USP8: variants seen among roughly 807,000 people sequenced by gnomAD.
USP8 encodes the protein ubiquitin carboxyl-terminal hydrolase 8.
In USP8, 27 loss-of-function variants were observed where a neutral mutation model predicts 130.0. The ratio of observed to expected loss-of-function variants is 0.21; its 90% CI spans 0.15 to 0.29. USP8 has a LOEUF of 0.29. Among genes scored for constraint, USP8 ranks in the 10% least tolerant of loss-of-function variants. USP8 has a pLI of 1.00. For synonymous variants in USP8, 392 were observed against 444.1 expected, an observed-to-expected ratio of 0.88 and a Z score of 1.48; for missense variants, 1,029 against 1,312.2, an observed-to-expected ratio of 0.78 and a Z score of 3.33.
At chr15:50,458,866 A>T in intron 4 of USP8, 134 bp from the exon 5 acceptor site, 1 of 1,021,324 alleles carries the variant, frequency 9.8e-7, no homozygotes, top group Non-Finnish European at 1.4e-6. Context: ...CAGATGTGTG[A>T]ATTGTGGTGG....
chr15:50,436,750 A>G (rs925530712), intron 1 of USP8, among the ~76,000 whole-genome samples: 50 of 152,010 alleles, frequency 3.3e-4, no homozygotes, highest in African/African-American at 1.2e-3. Flanking sequence ...GCTCACTGCA[A>G]CCTCCACCCT....
At chr15:50,430,308 C>G (rs2049890763) in intron 1 of USP8, among the ~76,000 whole-genome samples, 1 of 152,152 alleles carries the variant, frequency 6.6e-6, no homozygotes, top group Admixed American at 6.5e-5. Flanking sequence ...GATTGCGCCA[C>G]TGCTCTCCAG....
Position 50,500,708 on chromosome 15 carries a change from C to A in USP8, c.*1620C>A. 6.8e-7 allele frequency: 1 copy of A among 1,475,918 alleles called. No homozygotes were observed. Among genetic ancestry groups the A allele is most frequent in the South Asian group, 1.2e-5 (1 of 82,496 alleles). 91.4% of individuals were successfully genotyped at this position (1,475,918 alleles called of 1,614,324 possible). ...GGCTGGCAGCTATAGAACAGGAGAT[C>A]CATAGCATTTTGAACAGAAGTATCT... On this transcript the variant is annotated 3_prime_UTR_variant, in exon 20 of 20. Transcript: ENST00000307179.
rs60624314 is a variant in USP8 at position 50,496,209 on chromosome 15, A to G, written c.2895+125A>G. On this transcript the variant is annotated intron_variant, in intron 17 of 19. Coordinates refer to ENST00000307179, the MANE Select transcript of USP8 (RefSeq NM_005154.5). ...TTATCAGTAAAACTCGGCCGGGCGC[A>G]GTGGCTCATACCTTGTACTCCCAGC... is the stretch of plus-strand genomic sequence containing the variant. 4.8e-4 allele frequency: 368 copies of G among 760,584 alleles called. 2 individuals are homozygous for G. The African/African-American group carries it at 5.4e-3, about 11-fold the overall frequency. The allele number at this position is 760,584 out of a possible 1,614,324, so 47.1% of individuals were successfully genotyped here.
intron 7 of USP8, chr15:50,467,234 T>C (rs189171153): frequency 1.2e-4 from 20 of 167,464 alleles, no homozygotes; most frequent in African/African-American, 4.5e-4. Flanking sequence ...TAGTCTAGTC[T>C]GTATTAATAG....
chr15:50,490,641 C>T, intron 14 of USP8, 116 bp downstream of exon 14: 2 of 1,302,840 alleles, frequency 1.5e-6, no homozygotes, highest in South Asian at 3.0e-5. Context: ...ATGGCTATAC[C>T]AGCCGTTATT....
chr15:50,451,337 G>A lies in USP8; in HGVS notation c.335+1852G>A, dbSNP rs1023216702. Among the ~76,000 whole-genome samples, 3 of 152,234 alleles carry A rather than the reference G, an allele frequency of 2.0e-5. No homozygotes were observed. The South Asian group carries it at 6.2e-4, about 32-fold the overall frequency. On this transcript the variant is annotated intron_variant, in intron 4 of 19. Coordinates refer to ENST00000307179, the MANE Select transcript of USP8 (RefSeq NM_005154.5). ...GAGGCAGGAGAATCGCTTCAGCCTG[G>A]GAGGCAGAGGTTGCAGTGAACTGAG...
chr15:50,476,788 T>A (rs777586773), intron 8 of USP8, 61 bp from the exon 9 acceptor site: 13 of 1,472,882 alleles, frequency 8.8e-6, no homozygotes, highest in Non-Finnish European at 1.2e-5. Flanking sequence ...TTTAGATTTG[T>A]TGTGTTTTTA....
intron 5 of USP8, among the ~76,000 whole-genome samples, chr15:50,459,620 GC>G (rs1334114897): frequency 6.6e-6 from 1 of 152,102 alleles, no homozygotes; most frequent in Non-Finnish European, 1.5e-5. Flanking sequence ...AAATATTCTA[GC>G]CTCAGTTGAC....
At chr15:50,446,412 C>T (rs940747037) in intron 3 of USP8, among the ~76,000 whole-genome samples, 1 of 152,132 alleles carries the variant, frequency 6.6e-6, no homozygotes, top group African/African-American at 2.4e-5. Flanking sequence ...GCTGGGCTTA[C>T]AGGCTGGCTT....
At chr15:50,436,511 GT>G (rs2050096358) in intron 1 of USP8, among the ~76,000 whole-genome samples, 2 of 151,608 alleles carry the variant, frequency 1.3e-5, no homozygotes, top group African/African-American at 4.9e-5. Flanking sequence ...TTTTTGTTTT[GT>G]TTTTGAGACG....
At chr15:50,439,443 TA>T (rs1052570712) in intron 2 of USP8, among the ~76,000 whole-genome samples, 1 of 151,262 alleles carries the variant, frequency 6.6e-6, no homozygotes, top group Admixed American at 6.6e-5. Flanking sequence ...ATGAGGCTTC[TA>T]AAAAAAAATT....
chr15:50,506,910 A>AT lies in USP8; in HGVS notation c.*7823dup, dbSNP rs2052668610. On this transcript the variant is annotated 3_prime_UTR_variant, in exon 20 of 20. Transcript: ENST00000307179. ...GAGGTGAAGCTTGCAGTGAGCCGAG[A>AT]TCGTGCCACTGCATTCCAGCCTGGG... 2 of 135,232 alleles carry AT rather than the reference A, an allele frequency of 1.5e-5. No homozygotes were observed. Among genetic ancestry groups the AT allele is most frequent in the Non-Finnish European group, 3.1e-5 (2 of 65,116 alleles). The allele number at this position is 135,232 out of a possible 1,614,324, so 8.4% of individuals were successfully genotyped here. A position where few individuals can be genotyped will look rare whatever the true frequency, so the allele number is the denominator to read the frequency against.
chr15:50,454,733 A>G (rs185040345), intron 4 of USP8, among the ~76,000 whole-genome samples: 1 of 151,928 alleles, frequency 6.6e-6, no homozygotes, highest in Non-Finnish European at 1.5e-5. Context: ...GGGATTACAG[A>G]TGTGAGCCAC....
At chr15:50,474,551 A>C (rs1167982000) in intron 8 of USP8, among the ~76,000 whole-genome samples, 1 of 152,204 alleles carries the variant, frequency 6.6e-6, no homozygotes, top group Non-Finnish European at 1.5e-5. Context: ...CATAAAGTTC[A>C]AACTAAGATA....
intron 7 of USP8, among the ~76,000 whole-genome samples, chr15:50,466,362 G>A (rs2051187482): frequency 6.6e-6 from 1 of 152,150 alleles, no homozygotes. Flanking sequence ...ACTTGGGGAA[G>A]CCAAGGCAGG....
intron 1 of USP8, 105 bp downstream of exon 1, chr15:50,424,619 C>T (rs968233046): frequency 1.5e-5 from 6 of 397,262 alleles, no homozygotes; most frequent in African/African-American, 6.2e-5. Flanking sequence ...CGGAGACAAG[C>T]TCTGTCCGCG....
intron 4 of USP8, chr15:50,458,475 C>T (rs151001085): frequency 6.4e-6 from 1 of 156,798 alleles, no homozygotes; most frequent in Admixed American, 6.3e-5. Context: ...GGGAATAGTT[C>T]TAAATTCCTC....
intron 3 of USP8, among the ~76,000 whole-genome samples, chr15:50,444,348 A>G (rs1176214535): frequency 2.0e-5 from 3 of 147,184 alleles, no homozygotes; most frequent in Non-Finnish European, 4.5e-5. Flanking sequence ...TCGGTGATCC[A>G]CCTACCTTGG....
Sources: allele counts gnomAD v4.1 joint callset (sites outside exome capture counted in the v4.1 genomes callset), GRCh38; gene constraint gnomAD v4.1.1; transcripts MANE v1.5; gene names NCBI Gene and HGNC (gene_info 2026-07-23, HGNC 2026-07-21).